STARD10: variants seen among roughly 807,000 people sequenced by gnomAD.
STARD10 encodes the protein StAR related lipid transfer domain containing 10, also known as START domain-containing protein 10.
STARD10 carries 24 observed loss-of-function variants against 36.0 expected under a neutral mutation model. The ratio of observed to expected loss-of-function variants is 0.67; its 90% confidence interval spans 0.48 to 0.94. STARD10 has a LOEUF of 0.94. STARD10 is among the 40% of genes least tolerant of loss of function. The pLI is 0.00. For missense variants in STARD10, 335 were observed against 396.6 expected (o/e 0.84, Z 1.32); for synonymous variants, 156 against 161.9 (o/e 0.96, Z 0.28).
intron 1 of STARD10, among the ~76,000 whole-genome samples, chr11:72,791,518 A>G (rs1314842332): frequency 6.6e-6 from 1 of 152,046 alleles, no homozygotes; most frequent in Non-Finnish European, 1.5e-5. Flanking sequence ...CCTGGCCAAC[A>G]TGGTGAAACC....
At chr11:72,774,386 GCTGCCCTGTGCCAC>G (rs1858903893) in intron 2 of STARD10, among the ~76,000 whole-genome samples, 2 of 152,194 alleles carry the variant, frequency 1.3e-5, no homozygotes, top group African/African-American at 4.8e-5. Context: ...AACAGCTCCA[GCTGCCCTGTGCCAC>G]CTGCCCCGTG....
chr11:72,784,931 G>A (rs926698658), intron 1 of STARD10, among the ~76,000 whole-genome samples: 4 of 152,268 alleles, frequency 2.6e-5, no homozygotes, highest in African/African-American at 9.6e-5. Flanking sequence ...AGACAGAGCA[G>A]CTGAGGTTGT....
At chr11:72,769,302 A>G (rs1858829215) in intron 2 of STARD10, among the ~76,000 whole-genome samples, 1 of 152,184 alleles carries the variant, frequency 6.6e-6, no homozygotes, top group Admixed American at 6.5e-5. Flanking sequence ...TGAGGTACTC[A>G]CTGCTTATGA....
At chr11:72,769,797 C>T (rs1858834554) in intron 2 of STARD10, among the ~76,000 whole-genome samples, 2 of 152,180 alleles carry the variant, frequency 1.3e-5, no homozygotes, top group African/African-American at 4.8e-5. Flanking sequence ...ACCACCTGAA[C>T]ACTACCAGCA....
chr11:72,789,044 T>C (rs1019700482), intron 1 of STARD10, among the ~76,000 whole-genome samples: 3 of 133,520 alleles, frequency 2.2e-5, no homozygotes, highest in Admixed American at 1.6e-4. Flanking sequence ...TTTGTAGAGA[T>C]GGGGTCTCCC....
chr11:72,754,919 T>G lies in STARD10; in HGVS notation c.854A>C (p.Asp285Ala). ...RMGGAGGEGS[D>A]DDTSLT Reference sequence around the variant, plus strand: ...CGCTCAGGTGAGCGAGGTGTCGTCGTCGCTGCCCTCGCCGCCCGCGCCGCC... The same window carrying G: ...CGCTCAGGTGAGCGAGGTGTCGTCGGCGCTGCCCTCGCCGCCCGCGCCGCC... The change falls in exon 7 of 7, where the codon GAC becomes GCC. Residue 285 changes from aspartate (D) to alanine (A), a missense_variant. Transcript: ENST00000334805. 1 of 1,600,262 alleles carries G rather than the reference T, an allele frequency of 6.2e-7. No individual in the cohort carries two copies. The highest frequency in any genetic ancestry group is 8.5e-7 in the Non-Finnish European group (1 of 1,178,356).
rs1413522966 is a variant in STARD10 at position 72,785,520 on chromosome 11, C to T, written c.-113-4226G>A. Among the ~76,000 whole-genome samples the T allele has an allele frequency of 2.0e-5, 3 of 147,276 alleles. No homozygotes were observed. The Admixed American group carries it at 2.1e-4, about 10-fold the overall frequency. On this transcript the variant is annotated intron_variant, in intron 1 of 6. Coordinates refer to ENST00000334805, the MANE Select transcript of STARD10 (RefSeq NM_006645.3). ...AGGTTGCAGTGAGCAGAGATTGGGCCACTGCACTCCAGCCTGGGTGACAGG... is the reference window on the plus strand; with the variant it reads ...AGGTTGCAGTGAGCAGAGATTGGGCTACTGCACTCCAGCCTGGGTGACAGG...
At chr11:72,757,956 A>C in intron 4 of STARD10, 72 bp from the exon 5 acceptor site, 1 of 1,281,408 alleles carries the variant, frequency 7.8e-7, no homozygotes, top group East Asian at 2.3e-5. Context: ...AGTATACACA[A>C]ACGCGCACGC....
chr11:72,757,192 A>AGAGG (rs908509477), intron 5 of STARD10, among the ~76,000 whole-genome samples: 22 of 151,104 alleles, frequency 1.5e-4, no homozygotes, highest in African/African-American at 5.3e-4. Context: ...TGGCTGAGGA[A>AGAGG]GAGGGAGTGA....
Position 72,761,917 on chromosome 11 carries a change from C to CTTTTTTTTTTTTTTTTTT in STARD10, c.208-2554_208-2537dup, listed in dbSNP as rs1189000490. Among the ~76,000 whole-genome samples the CTTTTTTTTTTTTTTTTTT allele has an allele frequency of 6.1e-4, 23 of 37,476 alleles. 1 individual carries two copies. Among genetic ancestry groups the CTTTTTTTTTTTTTTTTTT allele is most frequent in the African/African-American group, 7.3e-4 (6 of 8,186 alleles). The allele number at this position is 37,476 out of a possible 152,430, so 24.6% of individuals were successfully genotyped here. ...TCTGTATTTCTTTTTCTTTTCTTTT[C>CTTTTTTTTTTTTTTTTTT]TTTTTTTTTTTTTTTTTTTTTTTTT... On this transcript the variant is annotated intron_variant, in intron 2 of 6. Transcript: ENST00000334805.
Position 72,754,903 on chromosome 11 carries a change from G to A in STARD10, c.870C>T (p.Leu290=), listed in dbSNP as rs1297237951. The change falls in exon 7 of 7, where the codon CTC becomes CTT. Residue 290 remains leucine, a synonymous_variant. Transcript: ENST00000334805. Reference sequence around the variant, plus strand: ...CCCTGAAGCGGTGCGGCGCTCAGGTGAGCGAGGTGTCGTCGTCGCTGCCCT... The same window carrying A: ...CCCTGAAGCGGTGCGGCGCTCAGGTAAGCGAGGTGTCGTCGTCGCTGCCCT... ...GGEGSDDDTS[L]T 1.3e-6 allele frequency: 2 copies of A among 1,598,448 alleles called. No homozygotes were observed. The highest frequency in any genetic ancestry group is 1.7e-5 in the Admixed American group (1 of 59,812).
At chr11:72,788,151 C>G (rs982730618) in intron 1 of STARD10, among the ~76,000 whole-genome samples, 11 of 152,176 alleles carry the variant, frequency 7.2e-5, no homozygotes, top group Non-Finnish European at 1.3e-4. Flanking sequence ...TATAGACCAG[C>G]TTCCATACCC....
At chr11:72,780,574 G>A in intron 2 of STARD10, 1 of 357,490 alleles carries the variant, frequency 2.8e-6, no homozygotes, top group Non-Finnish European at 5.5e-6. Flanking sequence ...CTCAGGCTGA[G>A]AACCAGGAAT....
At chr11:72,755,184 G>C (rs1208730505) in intron 6 of STARD10, 42 bp from the exon 7 acceptor site, 1 of 1,570,722 alleles carries the variant, frequency 6.4e-7, no homozygotes, top group African/African-American at 1.3e-5. Flanking sequence ...GTGGCTAGGG[G>C]GCAGGTCTTC....
chr11:72,763,541 T>A (rs552049077), intron 2 of STARD10, among the ~76,000 whole-genome samples: 1 of 152,080 alleles, frequency 6.6e-6, no homozygotes, highest in Non-Finnish European at 1.5e-5. Flanking sequence ...ATAACATAAA[T>A]AGAATCACAA....
intron 1 of STARD10, among the ~76,000 whole-genome samples, chr11:72,786,703 A>C (rs1332666973): frequency 6.6e-6 from 1 of 152,170 alleles, no homozygotes; most frequent in African/African-American, 2.4e-5. Flanking sequence ...ACACAGGGCC[A>C]GACCTACACA....
chr11:72,757,962 C>T, intron 4 of STARD10, 78 bp from the exon 5 acceptor site: 1 of 1,141,714 alleles, frequency 8.8e-7, no homozygotes, highest in Non-Finnish European at 1.3e-6. Flanking sequence ...CACAAACGCG[C>T]ACGCGCACAC....
At chr11:72,758,489 C>T in intron 4 of STARD10, 41 bp downstream of exon 4, 5 of 1,548,682 alleles carry the variant, frequency 3.2e-6, no homozygotes, top group Non-Finnish European at 2.7e-6. Flanking sequence ...GCTGCCTGAC[C>T]CTCTCCCCTG....
In STARD10 at chr11:72,757,591, T is replaced by G. The variant is rs371341251; in HGVS notation, c.577+176A>C. On this transcript the variant is annotated intron_variant, in intron 5 of 6. Coordinates refer to ENST00000334805, the MANE Select transcript of STARD10 (RefSeq NM_006645.3). ...GGGCAGTGGCACCTCCCTGGCCCAC[T>G]CTTTTCAAACCACTGTAAAGTCCCA... is the stretch of plus-strand genomic sequence containing the variant. Among the ~76,000 whole-genome samples the G allele has an allele frequency of 2.6e-5, 4 of 152,252 alleles. No homozygotes were observed. The East Asian group carries it at 5.8e-4, about 22-fold the overall frequency.
Sources: allele counts gnomAD v4.1 joint callset (sites outside exome capture counted in the v4.1 genomes callset), GRCh38; gene constraint gnomAD v4.1.1; transcripts MANE v1.5; gene names NCBI Gene and HGNC (gene_info 2026-07-23, HGNC 2026-07-21).